Variants in CDK8 observed in about 807,000 individuals in gnomAD.
CDK8 encodes the protein cyclin dependent kinase 8.
A neutral mutation model predicts 71.5 loss-of-function variants in CDK8; 29 were observed. The observed-to-expected ratio is 0.41, with a 90% CI of 0.30 to 0.55. CDK8 has a LOEUF of 0.55. Ranked by LOEUF, CDK8 falls within the 20% of genes least tolerant of loss-of-function variation. The pLI, the probability that CDK8 is intolerant of heterozygous loss-of-function variation, is 0.37. For missense variants in CDK8, 288 were observed against 572.6 expected, an observed-to-expected ratio of 0.50 and a Z score of 5.07; for synonymous variants, 161 against 192.1, an observed-to-expected ratio of 0.84 and a Z score of 1.34.
intron 2 of CDK8, among the ~76,000 whole-genome samples, chr13:26,347,498 C>A (rs1245961921): frequency 3.9e-5 from 6 of 152,174 alleles, no homozygotes; most frequent in Admixed American, 3.9e-4. Context: ...GCCTAGACAA[C>A]TTGCAGAATG....
At chr13:26,273,516 A>G (rs1297223182) in intron 1 of CDK8, among the ~76,000 whole-genome samples, 1 of 152,082 alleles carries the variant, frequency 6.6e-6, no homozygotes, top group Non-Finnish European at 1.5e-5. Flanking sequence ...ATCACTGTGG[A>G]TGAAAGTCAT....
chr13:26,379,399 CA>C (rs1875109048), intron 4 of CDK8, among the ~76,000 whole-genome samples: 1 of 152,160 alleles, frequency 6.6e-6, no homozygotes, highest in African/African-American at 2.4e-5. Context: ...CGGACCTTGA[CA>C]AAGATACTAT....
intron 2 of CDK8, among the ~76,000 whole-genome samples, chr13:26,343,650 G>A (rs886642838): frequency 3.3e-5 from 5 of 152,154 alleles, no homozygotes; most frequent in African/African-American, 1.2e-4. Flanking sequence ...GAATGAATGT[G>A]AAGGCCTAGG....
At chr13:26,340,820 A>G (rs1873208814) in intron 2 of CDK8, among the ~76,000 whole-genome samples, 1 of 152,120 alleles carries the variant, frequency 6.6e-6, no homozygotes, top group African/African-American at 2.4e-5. Context: ...AGTTTGTGCT[A>G]GGTGTGGTGT....
At chr13:26,263,158 C>T (rs1253884088) in intron 1 of CDK8, among the ~76,000 whole-genome samples, 2 of 151,438 alleles carry the variant, frequency 1.3e-5, no homozygotes, top group Non-Finnish European at 2.9e-5. Flanking sequence ...TTTTTTGAGA[C>T]GGAGTCTCGC....
At chr13:26,350,416 C>T (rs1394600462) in intron 3 of CDK8, among the ~76,000 whole-genome samples, 1 of 152,188 alleles carries the variant, frequency 6.6e-6, no homozygotes, top group Non-Finnish European at 1.5e-5. Flanking sequence ...AGGAAGATCA[C>T]TTGAGCCAAA....
At chr13:26,402,498 T>G (rs1876311998) in intron 12 of CDK8, among the ~76,000 whole-genome samples, 3 of 152,212 alleles carry the variant, frequency 2.0e-5, no homozygotes, top group Non-Finnish European at 4.4e-5. Flanking sequence ...AAAGAGATGT[T>G]ATTAAACTGA....
intron 1 of CDK8, among the ~76,000 whole-genome samples, chr13:26,263,737 C>T (rs1871889006): frequency 6.7e-6 from 1 of 150,238 alleles, no homozygotes; most frequent in Non-Finnish European, 1.5e-5. Context: ...CCGCGCCCGG[C>T]TAAAAGACTC....
rs114719569 is a variant in CDK8 at position 26,362,127 on chromosome 13, G to T, written c.456+8247G>T. Among the ~76,000 whole-genome samples, 1,345 of 152,122 alleles carry T rather than the reference G, an allele frequency of 8.8e-3. 19 individuals are homozygous for T. The highest frequency in any genetic ancestry group is 0.031 in the African/African-American group (1,289 of 41,502). On this transcript the variant is annotated intron_variant, in intron 4 of 12. Coordinates refer to ENST00000381527, the MANE Select transcript of CDK8 (RefSeq NM_001260.3). ...TAGTAGTTATATGACTGGCCTAGTA[G>T]CCATTAATTTTTGTAAAGTACATGT... is the stretch of plus-strand genomic sequence containing the variant.
chr13:26,396,695 C>T (rs529627087), intron 8 of CDK8, among the ~76,000 whole-genome samples: 1 of 152,198 alleles, frequency 6.6e-6, no homozygotes, highest in Non-Finnish European at 1.5e-5. Flanking sequence ...TAGCCACTTG[C>T]TCACCAATCT....
chr13:26,370,283 G>C (rs757630267), intron 4 of CDK8, among the ~76,000 whole-genome samples: 21 of 152,124 alleles, frequency 1.4e-4, no homozygotes, highest in Non-Finnish European at 2.8e-4. Context: ...AATAAGATCC[G>C]GGTGAACTTA....
chr13:26,300,581 G>A (rs1873779012), intron 1 of CDK8, among the ~76,000 whole-genome samples: 1 of 152,186 alleles, frequency 6.6e-6, no homozygotes, highest in African/African-American at 2.4e-5. Flanking sequence ...CCTATGTCCT[G>A]TCTGAGTTAA....
chr13:26,364,140 G>A (rs1417787039), intron 4 of CDK8, among the ~76,000 whole-genome samples: 2 of 152,142 alleles, frequency 1.3e-5, no homozygotes, highest in Admixed American at 1.3e-4. Flanking sequence ...AGCAAAGCTG[G>A]ACTACCGAAT....
At chr13:26,403,862 C>A in intron 12 of CDK8, 94 bp from the exon 13 acceptor site, 1 of 1,470,836 alleles carries the variant, frequency 6.8e-7, no homozygotes, top group Non-Finnish European at 9.3e-7. Flanking sequence ...TACATCCTTT[C>A]TTCCTTGAAA....
intron 1 of CDK8, among the ~76,000 whole-genome samples, chr13:26,325,737 C>T (rs1192758518): frequency 6.6e-6 from 1 of 151,988 alleles, no homozygotes; most frequent in Non-Finnish European, 1.5e-5. Context: ...GCCGTGCTAC[C>T]GATCTGTTAG....
Position 26,325,632 on chromosome 13 carries a change from T to C in CDK8, c.129-11935T>C, listed in dbSNP as rs920576678. Among the ~76,000 whole-genome samples, 18 of 152,284 alleles carry C rather than the reference T, an allele frequency of 1.2e-4. 1 individual carries two copies. Among genetic ancestry groups the C allele is most frequent in the Admixed American group, 1.0e-3 (16 of 15,290 alleles). ...CTAGGGGAAGTAGAACAGATCTGGA[T>C]TGGATATTGTCATGAAGGGAGGTCA... On this transcript the variant is annotated intron_variant, in intron 1 of 12. Coordinates refer to ENST00000381527, the MANE Select transcript of CDK8 (RefSeq NM_001260.3).
At chr13:26,361,235 A>T (rs993096487) in intron 4 of CDK8, among the ~76,000 whole-genome samples, 1 of 152,136 alleles carries the variant, frequency 6.6e-6, no homozygotes, top group African/African-American at 2.4e-5. Context: ...GGCAATGCCT[A>T]CCTTCTTCTA....
At chr13:26,397,348 A>C (rs1203116708) in intron 9 of CDK8, 123 bp downstream of exon 9, 2 of 622,726 alleles carry the variant, frequency 3.2e-6, no homozygotes, top group African/African-American at 3.7e-5. Context: ...TTCATGGTAA[A>C]TGCAGAGATC....
At chr13:26,317,092 G>C (rs534584106) in intron 1 of CDK8, among the ~76,000 whole-genome samples, 2 of 152,220 alleles carry the variant, frequency 1.3e-5, no homozygotes, top group South Asian at 2.1e-4. Flanking sequence ...AAGTGAACAA[G>C]GTTTAAGCGA....
Sources: gnomAD v4.1 joint callset for allele counts (sites outside exome capture counted in the v4.1 genomes callset) on GRCh38, gnomAD v4.1.1 for gene constraint, MANE v1.5 for transcripts, NCBI Gene and HGNC (gene_info 2026-07-23, HGNC 2026-07-21) for gene names.